INPP5F: variants seen among roughly 807,000 people sequenced by gnomAD.
The protein encoded by INPP5F is phosphatidylinositide 4-phosphatase SAC2.
In INPP5F, 97 loss-of-function variants were observed where a neutral mutation model predicts 137.2. That is an observed-to-expected ratio of 0.71 (90% CI 0.60 to 0.84). INPP5F has a LOEUF of 0.84. Ranked by LOEUF, INPP5F falls within the 40% of genes least tolerant of loss-of-function variation. INPP5F has a pLI of 0.00. For synonymous variants in INPP5F, 504 were observed against 476.9 expected (o/e 1.06, Z -0.74); for missense variants, 1,271 against 1,371.9 (o/e 0.93, Z 1.16).
Position 119,823,863 on chromosome 10 carries a change from T to C in INPP5F, c.2210T>C (p.Met737Thr). The change falls in exon 19 of 20, where the codon ATG (methionine) becomes ACG (threonine). Residue 737 changes from methionine to threonine, a missense_variant. Physicochemically the swap from Met to Thr is moderately conservative, Grantham distance 81. Coordinates refer to ENST00000650623, the MANE Select transcript of INPP5F (RefSeq NM_014937.4). ...ATGCTGCAGATCACCAAGCAAGCCA[T>C]GGGATCGGATTTACCCATAATTGAG... ...AEMLQITKQA[M>T]GSDLPIIEKK... The C allele has an allele frequency of 6.2e-7, 1 of 1,614,060 alleles. No individual in the cohort carries two copies. The highest frequency in any genetic ancestry group is 8.5e-7 in the Non-Finnish European group (1 of 1,179,976).
chr10:119,731,907 T>C (rs1848080000), intron 1 of INPP5F, among the ~76,000 whole-genome samples: 1 of 152,220 alleles, frequency 6.6e-6, no homozygotes, highest in Non-Finnish European at 1.5e-5. Flanking sequence ...TGAATAGATC[T>C]GTATGTTTAT....
At chr10:119,794,835 GCCGGGC>G (rs1157640176) in intron 6 of INPP5F, among the ~76,000 whole-genome samples, 6 of 114,526 alleles carry the variant, frequency 5.2e-5, no homozygotes, top group South Asian at 4.5e-4. Context: ...GGGGCGGCTG[GCCGGGC>G]GGGGGTCTGA....
In INPP5F at chr10:119,827,276, A is replaced by G. The variant is rs763988764; in HGVS notation, c.2895A>G (p.Gln965=). The change falls in exon 20 of 20, where the codon CAA becomes CAG. Residue 965 remains glutamine (Q), a synonymous_variant. Transcript: ENST00000650623. ...ATATTTACTGCCACAGATTTGTGCA[A>G]GATGCACAGAACAAAGTGACCCACC... ...PMDIYCHRFV[Q]DAQNKVTHLS... is the part of the protein sequence containing the mutation. The G allele has an allele frequency of 3.7e-6, 6 of 1,614,172 alleles. No homozygotes were observed. The highest frequency in any genetic ancestry group is 2.2e-5 in the East Asian group (1 of 44,888).
intron 19 of INPP5F, 70 bp from the exon 20 acceptor site, chr10:119,826,561 T>C: frequency 8.1e-7 from 1 of 1,230,882 alleles, no homozygotes. Context: ...TGTTTTCACT[T>C]ATGTTAATAA....
intron 2 of INPP5F, among the ~76,000 whole-genome samples, chr10:119,778,549 G>A (rs190392103): frequency 3.3e-5 from 5 of 152,128 alleles, no homozygotes; most frequent in Admixed American, 6.5e-5. Context: ...CTGGGTGTTT[G>A]CTTCTTTCTG....
At chr10:119,821,951 C>T (rs1851585285) in intron 16 of INPP5F, among the ~76,000 whole-genome samples, 1 of 148,072 alleles carries the variant, frequency 6.8e-6, no homozygotes, top group South Asian at 2.2e-4. Flanking sequence ...TCACTGCAAC[C>T]TCCGCCTCTC....
At chr10:119,821,284 A>G (rs1851548935) in intron 16 of INPP5F, among the ~76,000 whole-genome samples, 2 of 152,082 alleles carry the variant, frequency 1.3e-5, no homozygotes, top group Admixed American at 1.3e-4. Flanking sequence ...TAGGTATTAA[A>G]TTACTTACAA....
chr10:119,815,241 G>C (rs1446475958), intron 15 of INPP5F: 2 of 152,436 alleles, frequency 1.3e-5, no homozygotes, highest in African/African-American at 4.8e-5. Context: ...ATTTGTTGTC[G>C]GATTCCCTGA....
intron 2 of INPP5F, among the ~76,000 whole-genome samples, chr10:119,754,271 G>C (rs1848770934): frequency 6.6e-6 from 1 of 152,228 alleles, no homozygotes; most frequent in Non-Finnish European, 1.5e-5. Context: ...TTGGCAGACA[G>C]CCCAGAAGCT....
At position 119,726,063 on chromosome 10, in the gene INPP5F, G is replaced by GGCCGCC. The variant is rs1205757619; in HGVS notation, c.-197_-192dup. The GGCCGCC allele has an allele frequency of 5.5e-6, 2 of 365,902 alleles. No homozygotes were observed. Among genetic ancestry groups the GGCCGCC allele is most frequent in the African/African-American group, 2.2e-5 (1 of 46,260 alleles). 22.7% of individuals were successfully genotyped at this position (365,902 alleles called of 1,614,324 possible). On this transcript the variant is annotated 5_prime_UTR_variant, in exon 1 of 20. Coordinates refer to ENST00000650623, the MANE Select transcript of INPP5F (RefSeq NM_014937.4). ...AGGAGCGGGGGGGAGAGGCCTCTAC[G>GGCCGCC]GCCGCCGCTGCCGCCGCCGCTGCCG... is the stretch of plus-strand genomic sequence containing the variant.
At chr10:119,812,665 G>T (rs941280159) in intron 15 of INPP5F, among the ~76,000 whole-genome samples, 2 of 151,972 alleles carry the variant, frequency 1.3e-5, no homozygotes, top group African/African-American at 4.8e-5. Flanking sequence ...GTATTAAAAG[G>T]AATAAAAAAC....
chr10:119,738,033 A>T (rs906364278), intron 1 of INPP5F, among the ~76,000 whole-genome samples: 5 of 152,220 alleles, frequency 3.3e-5, no homozygotes, highest in African/African-American at 1.2e-4. Flanking sequence ...TGCTCTGTGC[A>T]GGCACACAGT....
intron 3 of INPP5F, among the ~76,000 whole-genome samples, chr10:119,784,982 C>T (rs1220429640): frequency 6.6e-6 from 1 of 152,196 alleles, no homozygotes; most frequent in Non-Finnish European, 1.5e-5. Flanking sequence ...TTGTGATGGA[C>T]TTCTTTCACC....
At chr10:119,793,046 T>A (rs1850203953) in intron 6 of INPP5F, among the ~76,000 whole-genome samples, 2 of 152,166 alleles carry the variant, frequency 1.3e-5, no homozygotes, top group South Asian at 4.1e-4. Context: ...TACCTCTGTT[T>A]GCAATGCTGA....
At chr10:119,810,920 A>G (rs550955381) in intron 14 of INPP5F, among the ~76,000 whole-genome samples, 1 of 152,310 alleles carries the variant, frequency 6.6e-6, no homozygotes, top group East Asian at 1.9e-4. Flanking sequence ...TGCACACATC[A>G]GACTAGTAGG....
At chr10:119,785,964 G>A (rs570219806) in intron 3 of INPP5F, among the ~76,000 whole-genome samples, 10 of 152,138 alleles carry the variant, frequency 6.6e-5, no homozygotes, top group Non-Finnish European at 1.3e-4. Context: ...ACCCTTTAAA[G>A]TTATATAGGC....
At chr10:119,751,882 T>C (rs1848700825) in intron 2 of INPP5F, among the ~76,000 whole-genome samples, 1 of 152,200 alleles carries the variant, frequency 6.6e-6, no homozygotes, top group Non-Finnish European at 1.5e-5. Flanking sequence ...TCCCCTGCCC[T>C]GGGCTCCCAA....
rs1291976226 is a variant in INPP5F at position 119,807,998 on chromosome 10, A to G, written c.1507A>G (p.Ile503Val). 13 of 1,613,918 alleles carry G rather than the reference A, an allele frequency of 8.1e-6. No homozygotes were observed. Among genetic ancestry groups the G allele is most frequent in the African/African-American group, 1.3e-5 (1 of 74,932 alleles). The change falls in exon 13 of 20, where the codon ATA (isoleucine) becomes GTA (valine). Residue 503 changes from isoleucine to valine, a missense_variant. Physicochemically the swap from Ile to Val is conservative, Grantham distance 29. This residue lies in a region of INPP5F where 593 missense variants were observed against 712.4 expected (regional missense o/e 0.83). Coordinates refer to ENST00000650623, the MANE Select transcript of INPP5F (RefSeq NM_014937.4). ...LPVKCNRIYQ[I>V]MWANNGDSIS... is the part of the protein sequence containing the mutation. ...TGTGAAATGTAATCGCATCTACCAG[A>G]TAATGTGGGCCAATAATGGTGACTC...
intron 2 of INPP5F, among the ~76,000 whole-genome samples, chr10:119,772,054 C>T (rs1416569881): frequency 1.1e-4 from 17 of 150,462 alleles, no homozygotes; most frequent in African/African-American, 3.7e-4. Flanking sequence ...CCCGCCACCA[C>T]GCCGGGCTAA....
Sources: allele counts gnomAD v4.1 joint callset (sites outside exome capture counted in the v4.1 genomes callset), GRCh38; gene constraint gnomAD v4.1.1; regional missense constraint gnomAD v4.1.1; transcripts MANE v1.5; gene names NCBI Gene and HGNC (gene_info 2026-07-23, HGNC 2026-07-21).